FAF1: variants seen among roughly 807,000 people sequenced by gnomAD.
FAF1 encodes the protein FAS-associated factor 1.
A neutral mutation model predicts 92.5 loss-of-function variants in FAF1; 25 were observed. The ratio of observed to expected loss-of-function variants is 0.27; its 90% CI spans 0.20 to 0.38. The LOEUF (loss-of-function observed/expected upper bound fraction) is 0.38, where lower values mean the gene tolerates loss of function less well. FAF1 is among the 10% of genes least tolerant of loss of function. The pLI is 1.00. For missense variants in FAF1, 636 were observed against 793.3 expected (o/e 0.80, Z 2.38); for synonymous variants, 234 against 273.2 (o/e 0.86, Z 1.42).
chr1:50,639,933 CAAAA>C (rs1197342810), intron 8 of FAF1, among the ~76,000 whole-genome samples: 2,766 of 70,140 alleles, frequency 0.039, 95 homozygotes, highest in African/African-American at 0.12. Context: ...GACTCGATCT[CAAAA>C]AAAAAAAAAA....
At chr1:50,823,757 CA>C (rs1431248188) in intron 2 of FAF1, among the ~76,000 whole-genome samples, 3 of 151,162 alleles carry the variant, frequency 2.0e-5, no homozygotes, top group Non-Finnish European at 4.4e-5. Flanking sequence ...CCAGCGAAAA[CA>C]GTTAAAAAGA....
chr1:50,627,828 C>T (rs1346941154), intron 8 of FAF1, among the ~76,000 whole-genome samples: 3 of 141,662 alleles, frequency 2.1e-5, no homozygotes, highest in Non-Finnish European at 4.7e-5. Flanking sequence ...TTGTTTTCAA[C>T]AAAACATTTT....
chr1:50,838,455 A>T (rs1403794969), intron 2 of FAF1, among the ~76,000 whole-genome samples: 2 of 149,232 alleles, frequency 1.3e-5, no homozygotes, highest in African/African-American at 4.9e-5. Context: ...TTAATGTAAA[A>T]TTGTAAATTA....
intron 2 of FAF1, among the ~76,000 whole-genome samples, chr1:50,823,088 T>C (rs1644060756): frequency 6.6e-6 from 1 of 152,178 alleles, no homozygotes; most frequent in Non-Finnish European, 1.5e-5. Flanking sequence ...CTAGCAGTTT[T>C]AAGGGTTTAT....
In FAF1 at chr1:50,920,367, T is replaced by C. The variant is rs368176358; in HGVS notation, c.45+39400A>G. Among the ~76,000 whole-genome samples, 13 of 151,988 alleles carry C rather than the reference T, an allele frequency of 8.6e-5. No homozygotes were observed. The South Asian group carries it at 1.3e-3, about 15-fold the overall frequency. ...AAGGTGGAAGAAAAACAGCAGGCAT[T>C]ACTGCTCCCAAAAAGTGTAGGTACA... On this transcript the variant is annotated intron_variant, in intron 1 of 18. Coordinates refer to ENST00000396153, the MANE Select transcript of FAF1 (RefSeq NM_007051.3).
intron 1 of FAF1, among the ~76,000 whole-genome samples, chr1:50,864,401 G>A (rs1644462682): frequency 6.6e-6 from 1 of 151,834 alleles, no homozygotes; most frequent in South Asian, 2.1e-4. Context: ...CTGGTATGTT[G>A]TGTCTTTGTT....
chr1:50,917,343 G>A (rs1644925365), intron 1 of FAF1, among the ~76,000 whole-genome samples: 1 of 152,076 alleles, frequency 6.6e-6, no homozygotes, highest in African/African-American at 2.4e-5. Context: ...TAAAGAGGAA[G>A]CTGACTTCTG....
intron 8 of FAF1, among the ~76,000 whole-genome samples, chr1:50,614,506 T>G (rs995156223): frequency 2.4e-5 from 3 of 125,078 alleles, no homozygotes; most frequent in African/African-American, 1.1e-4. Context: ...TAAATTATTT[T>G]GATCAACACA....
rs532805870 is a variant in FAF1 at position 50,840,337 on chromosome 1, GT to G, written c.114+17591del. Among the ~76,000 whole-genome samples the G allele has an allele frequency of 7.9e-3, 1,195 of 151,966 alleles. 20 individuals are homozygous for G. The highest frequency in any genetic ancestry group is 0.027 in the African/African-American group (1,133 of 41,500). On this transcript the variant is annotated intron_variant, in intron 2 of 18. Transcript: ENST00000396153. Reference sequence around the variant, plus strand: ...ATGGCCGGCCACATACCAAAAATGTGTTTATTCTACAAATACGTGACAAAAG... The same window carrying G: ...ATGGCCGGCCACATACCAAAAATGTGTTATTCTACAAATACGTGACAAAAG...
At chr1:50,853,531 G>A (rs555000194) in intron 2 of FAF1, among the ~76,000 whole-genome samples, 1 of 152,222 alleles carries the variant, frequency 6.6e-6, no homozygotes, top group East Asian at 1.9e-4. Flanking sequence ...AAACAGCAAT[G>A]TCAGCACAGG....
chr1:50,555,471 A>G (rs1649530849), intron 13 of FAF1, among the ~76,000 whole-genome samples: 1 of 152,214 alleles, frequency 6.6e-6, no homozygotes, highest in Non-Finnish European at 1.5e-5. Flanking sequence ...ACATTTTTCA[A>G]AAGAAGATGT....
intron 8 of FAF1, among the ~76,000 whole-genome samples, chr1:50,626,195 C>G (rs1188982314): frequency 6.6e-6 from 1 of 152,128 alleles, no homozygotes; most frequent in Non-Finnish European, 1.5e-5. Flanking sequence ...CTTATTTAAA[C>G]TGACAACAAT....
chr1:50,948,945 T>C (rs1645193063), intron 1 of FAF1, among the ~76,000 whole-genome samples: 1 of 152,184 alleles, frequency 6.6e-6, no homozygotes, highest in South Asian at 2.1e-4. Context: ...TATCTACCTC[T>C]AGGACCCACC....
chr1:50,649,446 G>C (rs972345659), intron 8 of FAF1, among the ~76,000 whole-genome samples: 1 of 151,958 alleles, frequency 6.6e-6, no homozygotes, highest in Non-Finnish European at 1.5e-5. Context: ...CATTGTGCCT[G>C]GCTCTTTTTA....
intron 7 of FAF1, among the ~76,000 whole-genome samples, chr1:50,691,196 G>C (rs993639695): frequency 6.6e-6 from 1 of 151,778 alleles, no homozygotes; most frequent in African/African-American, 2.4e-5. Flanking sequence ...CCAGCAATGC[G>C]TAATAGTTCT....
intron 8 of FAF1, among the ~76,000 whole-genome samples, chr1:50,609,454 A>G (rs540302998): frequency 6.6e-6 from 1 of 152,234 alleles, no homozygotes; most frequent in East Asian, 1.9e-4. Context: ...GCTTGATCAC[A>G]GCTCACCACA....
chr1:50,534,662 C>CT (rs1648373331), intron 15 of FAF1, among the ~76,000 whole-genome samples: 2 of 152,092 alleles, frequency 1.3e-5, no homozygotes, highest in South Asian at 4.1e-4. Context: ...TTAAAAGTGT[C>CT]TATTTACTGC....
At chr1:50,863,968 T>TGGG (rs1557564475) in intron 1 of FAF1, among the ~76,000 whole-genome samples, 1 of 152,074 alleles carries the variant, frequency 6.6e-6, no homozygotes. Flanking sequence ...CCATTTCTTC[T>TGGG]AGATTTTCTA....
chr1:50,523,082 A>G (rs1032912821), intron 15 of FAF1, among the ~76,000 whole-genome samples: 3 of 152,144 alleles, frequency 2.0e-5, no homozygotes, highest in Non-Finnish European at 4.4e-5. Context: ...TTATGTTGCA[A>G]CATTTATCAG....
Sources: gnomAD v4.1 joint callset for allele counts (sites outside exome capture counted in the v4.1 genomes callset) on GRCh38, gnomAD v4.1.1 for gene constraint, MANE v1.5 for transcripts, NCBI Gene and HGNC (gene_info 2026-07-23, HGNC 2026-07-21) for gene names.